DAG1: variants seen among roughly 807,000 people sequenced by gnomAD.
DAG1 encodes the protein dystroglycan 1.
A neutral mutation model predicts 46.1 loss-of-function variants in DAG1; 8 were observed. That is an observed-to-expected ratio of 0.17 (90% CI 0.10 to 0.31). DAG1 has a LOEUF of 0.31. Ranked by LOEUF, DAG1 falls within the 10% of genes least tolerant of loss-of-function variation. DAG1 has a pLI of 1.00. For missense variants in DAG1, 1,003 were observed against 1,189.9 expected (o/e 0.84, Z 2.31); for synonymous variants, 495 against 481.8 (o/e 1.03, Z -0.36).
At chr3:49,480,757 G>GTTTTTTTTTTTT (rs770596207) in intron 1 of DAG1, among the ~76,000 whole-genome samples, 1 of 113,092 alleles carries the variant, frequency 8.8e-6, no homozygotes, top group Non-Finnish European at 2.0e-5. Context: ...TCTGCATAAA[G>GTTTTTTTTTTTT]TTTTTTTTTT....
chr3:49,497,436 CAAAAAAAAAA>C (rs11391817), intron 1 of DAG1, among the ~76,000 whole-genome samples: 64,859 of 128,652 alleles, frequency 0.5, 15,627 homozygotes, highest in East Asian at 0.93. Context: ...GACTCCGTCT[CAAAAAAAAAA>C]AAAAAAAAAA....
In DAG1 at chr3:49,531,208, A is replaced by C. The variant is rs1444134379; in HGVS notation, c.697A>C (p.Asn233His). The change falls in exon 3 of 3, where the codon AAC (asparagine) becomes CAC (histidine). Residue 233 changes from asparagine to histidine, a missense_variant. Transcript: ENST00000308775. The surrounding 1 kb of genome is among the most constrained non-coding windows in gnomAD (Gnocchi z 7.0). ...CATGAAATTAGTGCCGGTGGTGAAT[A>C]ACAGACTATTTGACATGTCGGCCTT... ...HNMKLVPVVNNRLFDMSAFMA... is the reference protein window; with the variant it reads ...HNMKLVPVVNHRLFDMSAFMA... 6.2e-7 allele frequency: 1 copy of C among 1,614,168 alleles called. No homozygotes were observed. Among genetic ancestry groups the C allele is most frequent in the Admixed American group, 1.7e-5 (1 of 60,022 alleles).
At chr3:49,493,754 G>A (rs193019851) in intron 1 of DAG1, among the ~76,000 whole-genome samples, 5 of 152,268 alleles carry the variant, frequency 3.3e-5, no homozygotes, top group Admixed American at 1.3e-4. Flanking sequence ...GGAGCCTTGC[G>A]TTCACCAGGT....
chr3:49,504,299 A>G (rs2050537521), intron 1 of DAG1, among the ~76,000 whole-genome samples: 1 of 152,006 alleles, frequency 6.6e-6, no homozygotes, highest in Non-Finnish European at 1.5e-5. Context: ...ATTGCTTGGA[A>G]ATTCATCCAA....
At chr3:49,514,675 G>A (rs940944274) in intron 2 of DAG1, among the ~76,000 whole-genome samples, 2 of 151,578 alleles carry the variant, frequency 1.3e-5, no homozygotes, top group African/African-American at 4.8e-5. Context: ...TTTCGCTCTT[G>A]TCGCCCAGGA....
chr3:49,527,951 A>G (rs1344934947), intron 2 of DAG1, among the ~76,000 whole-genome samples: 1 of 152,058 alleles, frequency 6.6e-6, no homozygotes, highest in Admixed American at 6.6e-5. Context: ...TCCCTCTGCC[A>G]TGTGAGCTCG....
At chr3:49,490,852 G>A (rs951536274) in intron 1 of DAG1, among the ~76,000 whole-genome samples, 6 of 148,160 alleles carry the variant, frequency 4.0e-5, no homozygotes, top group African/African-American at 1.5e-4. Flanking sequence ...TTACAGACAT[G>A]AGCCACAACC....
At chr3:49,514,005 A>C in intron 2 of DAG1, among the ~76,000 whole-genome samples, 1 of 152,196 alleles carries the variant, frequency 6.6e-6, no homozygotes, top group African/African-American at 2.4e-5. Flanking sequence ...TGGCAGAGAG[A>C]TGTTTAACAG....
intron 2 of DAG1, among the ~76,000 whole-genome samples, chr3:49,527,578 C>T (rs1278638547): frequency 6.6e-6 from 1 of 151,168 alleles, no homozygotes; most frequent in Non-Finnish European, 1.5e-5. Context: ...TGGCGGGCGC[C>T]TGTAGTCCCA....
intron 1 of DAG1, chr3:49,488,527 G>C (rs1361427015): frequency 6.6e-6 from 1 of 152,120 alleles, no homozygotes; most frequent in Non-Finnish European, 1.5e-5. Flanking sequence ...ACACACAATA[G>C]GGGTGAATGA....
intron 1 of DAG1, among the ~76,000 whole-genome samples, chr3:49,484,586 G>A (rs1258336796): frequency 2.0e-5 from 3 of 152,100 alleles, no homozygotes; most frequent in Non-Finnish European, 1.5e-5. Flanking sequence ...TGAGCTGCCT[G>A]TGCCCTTTAC....
At position 49,534,718 on chromosome 3, in the gene DAG1, G is replaced by A. The variant is rs1007224365; in HGVS notation, c.*1519G>A. ...TGCATCTCTGTCCCATGACTCAGGG[G>A]CGCCCACTCTGCTTCGATTCTCCTC... is the stretch of plus-strand genomic sequence containing the variant. On this transcript the variant is annotated 3_prime_UTR_variant, in exon 3 of 3. Coordinates refer to ENST00000308775, the MANE Select transcript of DAG1 (RefSeq NM_004393.6). 3 of 152,596 alleles carry A rather than the reference G, an allele frequency of 2.0e-5. No individual in the cohort carries two copies. The highest frequency in any genetic ancestry group is 4.4e-5 in the Non-Finnish European group (3 of 68,038). The allele number at this position is 152,596 out of a possible 1,614,324, so 9.5% of individuals were successfully genotyped here. A position where few individuals can be genotyped will look rare whatever the true frequency, so the allele number is the denominator to read the frequency against.
intron 1 of DAG1, among the ~76,000 whole-genome samples, chr3:49,498,965 C>T (rs574692608): frequency 1.2e-3 from 183 of 152,312 alleles, no homozygotes; most frequent in Middle Eastern, 3.4e-3. Flanking sequence ...CCACCTCGGC[C>T]TCCCAGAGTA....
At chr3:49,479,331 A>G (rs1489553444) in intron 1 of DAG1, among the ~76,000 whole-genome samples, 1 of 145,628 alleles carries the variant, frequency 6.9e-6, no homozygotes, top group Non-Finnish European at 1.5e-5. Flanking sequence ...TTTTTTTGAG[A>G]CAGAGTCTCT....
At chr3:49,505,526 GTT>G in intron 1 of DAG1, among the ~76,000 whole-genome samples, 1 of 152,248 alleles carries the variant, frequency 6.6e-6, no homozygotes, top group East Asian at 1.9e-4. Flanking sequence ...ATGTTTTTGT[GTT>G]CTGTGACCTT....
chr3:49,474,293 G>T (rs1710226392), intron 1 of DAG1, among the ~76,000 whole-genome samples: 2 of 151,132 alleles, frequency 1.3e-5, no homozygotes, highest in African/African-American at 2.4e-5. Context: ...TGACCTTGTG[G>T]TCTGCCCGCC....
chr3:49,530,761 A>G, intron 2 of DAG1, 36 bp from the exon 3 acceptor site: 4 of 1,614,136 alleles, frequency 2.5e-6, no homozygotes, highest in Non-Finnish European at 3.4e-6. Flanking sequence ...ATGCAGTGAC[A>G]ATAGTATTTT....
At chr3:49,502,465 C>T (rs553265415) in intron 1 of DAG1, among the ~76,000 whole-genome samples, 1 of 152,190 alleles carries the variant, frequency 6.6e-6, no homozygotes, top group South Asian at 2.1e-4. Flanking sequence ...GGGAAGGTTC[C>T]TGCGGAGGAA....
chr3:49,525,734 ATT>A (rs1163474286), intron 2 of DAG1, among the ~76,000 whole-genome samples: 1 of 145,306 alleles, frequency 6.9e-6, no homozygotes, highest in African/African-American at 2.6e-5. Flanking sequence ...AATTTTTTTT[ATT>A]TTTAGTAGAG....
Sources: gnomAD v4.1 joint callset for allele counts (sites outside exome capture counted in the v4.1 genomes callset) on GRCh38, gnomAD v4.1.1 for gene constraint, Gnocchi (gnomAD v3.1) non-coding constraint, MANE v1.5 for transcripts, NCBI Gene and HGNC (gene_info 2026-07-23, HGNC 2026-07-21) for gene names.